Variants in CELSR2 observed in about 807,000 individuals in gnomAD.
CELSR2 encodes the protein cadherin EGF LAG seven-pass G-type receptor 2.
Under a neutral mutation model 251.6 loss-of-function variants are expected in CELSR2, and 81 were observed. The observed-to-expected ratio is 0.32, with a 90% CI of 0.27 to 0.39. The LOEUF (loss-of-function observed/expected upper bound fraction) is 0.39. Ranked by LOEUF, CELSR2 falls within the 10% of genes least tolerant of loss-of-function variation. The pLI, the probability that CELSR2 is intolerant of heterozygous loss-of-function variation, is 1.00. For missense variants in CELSR2, 3,365 were observed against 3,947.7 expected (o/e 0.85, Z 3.96); for synonymous variants, 1,721 against 1,670.5 (o/e 1.03, Z -0.74).
chr1:109,268,922 C>A lies in CELSR2; in HGVS notation c.6545C>A (p.Ala2182Asp). Reference sequence around the variant, plus strand: ...TTGGACAAAGGGAACTTTGCTGGGGCCAAGCTGCCCCGCTACGAGGCCCTG... The same window carrying A: ...TTGGACAAAGGGAACTTTGCTGGGGACAAGCTGCCCCGCTACGAGGCCCTG... ...VRLDKGNFAG[A>D]KLPRYEALRG... The change falls in exon 19 of 34, where the codon GCC (alanine) becomes GAC (aspartate). Residue 2182 changes from alanine (A) to aspartate (D), a missense_variant. Transcript: ENST00000271332. The A allele has an allele frequency of 1.2e-6, 2 of 1,613,230 alleles. No homozygotes were observed. Among genetic ancestry groups the A allele is most frequent in the Non-Finnish European group, 1.7e-6 (2 of 1,179,384 alleles).
In CELSR2 at chr1:109,275,696, G is replaced by A. The variant is rs1656513615; in HGVS notation, c.*1647G>A. ...GTTGCTGTAAATAGGGTAGCGTTTT[G>A]TTGTTGTTGTTTTTTCATGCCCCAT... is the stretch of plus-strand genomic sequence containing the variant. On this transcript the variant is annotated 3_prime_UTR_variant, in exon 34 of 34. Coordinates refer to ENST00000271332, the MANE Select transcript of CELSR2 (RefSeq NM_001408.3). The A allele has an allele frequency of 6.6e-6, 1 of 152,132 alleles. No homozygotes were observed. The highest frequency in any genetic ancestry group is 6.5e-5 in the Admixed American group (1 of 15,282). 9.4% of individuals were successfully genotyped at this position (152,132 alleles called of 1,614,324 possible). A position where few individuals can be genotyped will look rare whatever the true frequency, so the allele number is the denominator to read the frequency against.
In CELSR2 at chr1:109,251,034, C is replaced by T; in HGVS notation, c.955C>T (p.Pro319Ser). ...TGTCAGGGCCACGGATGGTGATGCCCCTCCCAATGCCAATATTCTGTACCG... is the reference window on the plus strand; with the variant it reads ...TGTCAGGGCCACGGATGGTGATGCCTCTCCCAATGCCAATATTCTGTACCG... ...LTVRATDGDA[P>S]PNANILYRLL... The change falls in exon 1 of 34, where the codon CCT becomes TCT. Residue 319 changes from proline to serine, a missense_variant. This residue lies in a region of CELSR2 where 704 missense variants were observed against 784.1 expected (regional missense o/e 0.90). Transcript: ENST00000271332. This position sits in a 1 kb window ranked among gnomAD's most constrained non-coding sequence, Gnocchi z 4.9. 6.2e-7 allele frequency: 1 copy of T among 1,613,466 alleles called. No homozygotes were observed.
At chr1:109,262,143 ACGTGAGCACACGTGTGTGTATATG>A (rs1656036736) in intron 5 of CELSR2, 120 bp from the exon 6 acceptor site, 1 of 1,228,996 alleles carries the variant, frequency 8.1e-7, no homozygotes, top group South Asian at 1.5e-5. Flanking sequence ...TGCATAAACC[ACGTGAGCACACGTGTGTGTATATG>A]CATGTGTGTA....
chr1:109,267,775 C>A, intron 16 of CELSR2, 76 bp from the exon 17 acceptor site: 1 of 1,567,598 alleles, frequency 6.4e-7, no homozygotes, highest in Non-Finnish European at 8.7e-7. Context: ...CTGGAGAGGC[C>A]GTCTCTCACC....
chr1:109,251,235 T>G lies in CELSR2; in HGVS notation c.1156T>G (p.Phe386Val), dbSNP rs1432642026. 8.7e-6 allele frequency: 14 copies of G among 1,614,102 alleles called. No individual in the cohort carries two copies. Among genetic ancestry groups the G allele is most frequent in the Non-Finnish European group, 1.2e-5 (14 of 1,180,004 alleles). ...PGPRSTTAAV[F>V]LSVEDDNDNA... ...TCCTCGGAGTACCACAGCCGCTGTT[T>G]TCCTTTCTGTGGAGGATGACAATGA... The change falls in exon 1 of 34, where the codon TTC (phenylalanine) becomes GTC (valine). Residue 386 changes from phenylalanine (F) to valine (V), a missense_variant. Transcript: ENST00000271332. The surrounding 1 kb of genome is among the most constrained non-coding windows in gnomAD (Gnocchi z 4.9).
Position 109,265,830 on chromosome 1 carries a change from C to T in CELSR2, c.5823C>T (p.Gly1941=). 1 of 1,614,126 alleles carries T rather than the reference C, an allele frequency of 6.2e-7. No homozygotes were observed. Among genetic ancestry groups the T allele is most frequent in the Non-Finnish European group, 8.5e-7 (1 of 1,180,040 alleles). ...CCAGAGTCTGTGACCCTGAGGATGG[C>T]CAGTGTCCATGCAAGCCAGGTGTCA... The part of the protein sequence containing the change: ...SLSRVCDPED[G]QCPCKPGVIG... Residue 1941 remains glycine (G), a synonymous_variant, in exon 14 of 34, where the codon GGC becomes GGT. Coordinates refer to ENST00000271332, the MANE Select transcript of CELSR2 (RefSeq NM_001408.3).
rs1301864795 is a variant in CELSR2 at position 109,272,319 on chromosome 1, C to T, written c.7968C>T (p.Tyr2656=). Residue 2656 remains tyrosine, a synonymous_variant, in exon 29 of 34, where the codon TAC becomes TAT. Coordinates refer to ENST00000271332, the MANE Select transcript of CELSR2 (RefSeq NM_001408.3). ...GCCCCTACGCAGATGGGCGGCTGTA[C>T]CAGCCCTACGGAGACTCGGCCGGCT... is the stretch of plus-strand genomic sequence containing the variant. ...CPSPYADGRL[Y]QPYGDSAGSL... is the part of the protein sequence containing the mutation. The T allele has an allele frequency of 6.2e-7, 1 of 1,611,072 alleles. No individual in the cohort carries two copies. The highest frequency in any genetic ancestry group is 8.5e-7 in the Non-Finnish European group (1 of 1,177,880).
chr1:109,272,187 A>G (rs976747629), intron 28 of CELSR2, 91 bp from the exon 29 acceptor site: 1 of 1,469,648 alleles, frequency 6.8e-7, no homozygotes, highest in Non-Finnish European at 9.1e-7. Flanking sequence ...GGAAGGTGGA[A>G]CTTAGGGCAA....
In CELSR2 at chr1:109,261,363, G is replaced by T; in HGVS notation, c.4181+99G>T. 1 of 1,394,278 alleles carries T rather than the reference G, an allele frequency of 7.2e-7. No individual in the cohort carries two copies. The highest frequency in any genetic ancestry group is 1.0e-6 in the Non-Finnish European group (1 of 995,216). The allele number at this position is 1,394,278 out of a possible 1,614,324, so 86.4% of individuals were successfully genotyped here. A position where few individuals can be genotyped will look rare whatever the true frequency, so the allele number is the denominator to read the frequency against. On this transcript the variant is annotated intron_variant, in intron 3 of 33. Coordinates refer to ENST00000271332, the MANE Select transcript of CELSR2 (RefSeq NM_001408.3). This position sits in a 1 kb window ranked among gnomAD's most constrained non-coding sequence, Gnocchi z 4.8. ...GTAAGAGGTCAGGCAGTGAAAGCGT[G>T]GAGCAGGCTGCCGGCAGAGCCAGGT...
rs1162237136 is a variant in CELSR2 at position 109,274,247 on chromosome 1, C to CA, written c.*198_*199insA. 7 of 1,337,294 alleles carry CA rather than the reference C, an allele frequency of 5.2e-6. No homozygotes were observed. The South Asian group carries it at 7.5e-5, about 14-fold the overall frequency. 82.8% of individuals were successfully genotyped at this position (1,337,294 alleles called of 1,614,324 possible). ...AAGGCCATCTAGTGCCAACTCCCCC[C>CA]CCACCATTCCCCTCACTGCACTTTG... is the stretch of plus-strand genomic sequence containing the variant. On this transcript the variant is annotated 3_prime_UTR_variant, in exon 34 of 34. Transcript: ENST00000271332.
rs3832016 is a variant in CELSR2, at chr1:109,275,536, C to CT, written c.*1487_*1488insT. 0.74 allele frequency: 112,828 copies of CT among 152,136 alleles called. 42,536 individuals are homozygous for CT. Among genetic ancestry groups the CT allele is most frequent in the East Asian group, 0.94 (4,854 of 5,184 alleles). The allele number at this position is 152,136 out of a possible 1,614,324, so 9.4% of individuals were successfully genotyped here. ...GGCTTTTCTGCCGTGGATTCTCCCC[C>CT]GTCTTCTCCCCTCAGCAATTCCTGC... On this transcript the variant is annotated 3_prime_UTR_variant, in exon 34 of 34. Coordinates refer to ENST00000271332, the MANE Select transcript of CELSR2 (RefSeq NM_001408.3).
At chr1:109,255,670 C>T (rs1655824249) in intron 1 of CELSR2, among the ~76,000 whole-genome samples, 1 of 152,210 alleles carries the variant, frequency 6.6e-6, no homozygotes, top group African/African-American at 2.4e-5. Flanking sequence ...GGTGGCATTT[C>T]CTGGGGTCAG....
chr1:109,263,962 CTA>C, intron 9 of CELSR2, 114 bp from the exon 10 acceptor site: 1 of 1,428,790 alleles, frequency 7.0e-7, no homozygotes, highest in Non-Finnish European at 9.4e-7. Flanking sequence ...GCTTTCCTCT[CTA>C]TGGCCTCAGC....
chr1:109,267,751 TC>T, intron 16 of CELSR2, 99 bp from the exon 17 acceptor site: 10 of 1,557,524 alleles, frequency 6.4e-6, no homozygotes, highest in Non-Finnish European at 7.8e-6. Flanking sequence ...GCCTGTGTGT[TC>T]CTGGGCTCCC....
intron 27 of CELSR2, 27 bp downstream of exon 27, chr1:109,271,539 G>A: frequency 6.2e-7 from 1 of 1,614,172 alleles, no homozygotes; most frequent in Non-Finnish European, 8.5e-7. Flanking sequence ...GTGGAGAAGG[G>A]AGGCACCTGG....
In CELSR2 at chr1:109,250,354, T is replaced by G. The variant is rs535739419; in HGVS notation, c.275T>G (p.Val92Gly). The part of the protein sequence containing the change: ...HLVPHHDGLR[V>G]WCPESEAHIP... ...GTACCCCACCACGATGGCCTGAGGG[T>G]TTGGTGTCCAGAATCCGAGGCCCAT... is the stretch of plus-strand genomic sequence containing the variant. The change falls in exon 1 of 34, where the codon GTT (valine) becomes GGT (glycine). Residue 92 changes from valine (V) to glycine (G), a missense_variant. Physicochemically the swap from Val to Gly is moderately radical, Grantham distance 109. Transcript: ENST00000271332. The surrounding 1 kb of genome is among the most constrained non-coding windows in gnomAD (Gnocchi z 4.4). The G allele has an allele frequency of 6.2e-7, 1 of 1,613,302 alleles. No homozygotes were observed. Among genetic ancestry groups the G allele is most frequent in the Non-Finnish European group, 8.5e-7 (1 of 1,179,978 alleles).
chr1:109,271,234 C>T lies in CELSR2; in HGVS notation c.7614C>T (p.Tyr2538=), dbSNP rs201114106. The T allele has an allele frequency of 6.2e-6, 10 of 1,614,072 alleles. No homozygotes were observed. The African/African-American group carries it at 8.0e-5, about 13-fold the overall frequency. ...AFAVSMSVFL[Y]ILAARASCAA... ...CTGCCTAGATGAGTGTCTTCCTGTA[C>T]ATCCTGGCGGCCCGGGCCTCCTGTG... Residue 2538 remains tyrosine (Y), a synonymous_variant, in exon 26 of 34, where the codon TAC becomes TAT. Transcript: ENST00000271332.
At chr1:109,255,844 G>A (rs1281584783) in intron 1 of CELSR2, among the ~76,000 whole-genome samples, 1 of 152,230 alleles carries the variant, frequency 6.6e-6, no homozygotes, top group Non-Finnish European at 1.5e-5. Flanking sequence ...GGGGATGGGG[G>A]ACAACAGCAG....
intron 8 of CELSR2, 99 bp from the exon 9 acceptor site, chr1:109,263,512 T>C: frequency 6.7e-7 from 1 of 1,502,438 alleles, no homozygotes; most frequent in Non-Finnish European, 9.1e-7. Context: ...ATGAGGGGAG[T>C]GGGCTCTGCC....
Sources: gnomAD v4.1 joint callset for allele counts (sites outside exome capture counted in the v4.1 genomes callset) on GRCh38, gnomAD v4.1.1 for gene constraint, gnomAD v4.1.1 regional missense constraint, Gnocchi (gnomAD v3.1) non-coding constraint, MANE v1.5 for transcripts, NCBI Gene and HGNC (gene_info 2026-07-23, HGNC 2026-07-21) for gene names.